The following PCCA variants were observed in gnomAD, a reference collection of about 807,000 sequenced individuals.
The protein encoded by PCCA is propionyl-CoA carboxylase alpha chain, mitochondrial.
In PCCA, 74 loss-of-function variants were observed where a neutral mutation model predicts 101.3. That is an observed-to-expected ratio of 0.73 (90% confidence interval 0.61 to 0.89). The LOEUF is 0.89. Among genes scored for constraint, PCCA ranks in the 40% least tolerant of loss-of-function variants. The probability of loss-of-function intolerance (pLI) is 0.00; values close to 1 mark genes in which losing one functional copy is unlikely to be tolerated. For missense variants in PCCA, 891 were observed against 907.0 expected (o/e 0.98, Z 0.23); for synonymous variants, 294 against 313.6 (o/e 0.94, Z 0.66).
intron 22 of PCCA, chr13:100,527,321 A>G: frequency 2.1e-6 from 1 of 478,164 alleles, no homozygotes; most frequent in Admixed American, 2.3e-5. Context: ...GTCTGTAGAG[A>G]TCTGCCTATT....
At chr13:100,251,214 A>G (rs140444795) in intron 8 of PCCA, among the ~76,000 whole-genome samples, 246 of 152,326 alleles carry the variant, frequency 1.6e-3, no homozygotes, top group African/African-American at 5.5e-3. Flanking sequence ...AGAGTTTCAT[A>G]CTATCCAGCA....
chr13:100,365,685 A>G (rs1050835011), intron 18 of PCCA, among the ~76,000 whole-genome samples: 1 of 152,248 alleles, frequency 6.6e-6, no homozygotes, highest in Non-Finnish European at 1.5e-5. Flanking sequence ...CAAAGTTTCT[A>G]TAAAGAAAGA....
chr13:100,501,500 A>G (rs977430114), intron 21 of PCCA, among the ~76,000 whole-genome samples: 3 of 152,188 alleles, frequency 2.0e-5, no homozygotes, highest in Non-Finnish European at 4.4e-5. Flanking sequence ...AGGCCATTCC[A>G]TAATGGAGAA....
At position 100,176,360 on chromosome 13, in the gene PCCA, T is replaced by C. The variant is rs561260556; in HGVS notation, c.468+19020T>C. Among the ~76,000 whole-genome samples the C allele has an allele frequency of 5.8e-3, 881 of 152,356 alleles. 9 individuals are homozygous for C. Among genetic ancestry groups the C allele is most frequent in the African/African-American group, 0.02 (819 of 41,568 alleles). Reference sequence around the variant, plus strand: ...TACTTCATGCATAGATGGTGTAGCTTTAGAAAACTCAGGCCTAGCTGTTTT... The same window carrying C: ...TACTTCATGCATAGATGGTGTAGCTCTAGAAAACTCAGGCCTAGCTGTTTT... On this transcript the variant is annotated intron_variant, in intron 6 of 23. Transcript: ENST00000376285.
chr13:100,333,602 A>T (rs577095842), intron 17 of PCCA, among the ~76,000 whole-genome samples: 1 of 152,336 alleles, frequency 6.6e-6, no homozygotes, highest in Non-Finnish European at 1.5e-5. Flanking sequence ...GTTTCCCTTG[A>T]TTCTGAAAAA....
intron 19 of PCCA, among the ~76,000 whole-genome samples, chr13:100,419,803 G>A (rs1224265989): frequency 6.6e-6 from 1 of 152,200 alleles, no homozygotes; most frequent in African/African-American, 2.4e-5. Context: ...TAAGGACTTG[G>A]GCCTATGGCT....
intron 4 of PCCA, among the ~76,000 whole-genome samples, chr13:100,148,267 T>C (rs1212454042): frequency 6.6e-6 from 1 of 152,158 alleles, no homozygotes. Flanking sequence ...TGTTTTTACC[T>C]AGTTATTTTG....
intron 21 of PCCA, among the ~76,000 whole-genome samples, chr13:100,493,992 C>A (rs2085093375): frequency 6.6e-6 from 1 of 151,772 alleles, no homozygotes; most frequent in African/African-American, 2.4e-5. Flanking sequence ...AGCTGGTGAC[C>A]ATCCTGGCCA....
Position 100,187,720 on chromosome 13 carries a change from G to A in PCCA, c.469-21612G>A, listed in dbSNP as rs9585374. 8.9e-3 allele frequency among the ~76,000 whole-genome samples: 1,350 copies of A among 152,112 alleles called. 17 individuals carry two copies. The highest frequency in any genetic ancestry group is 0.031 in the African/African-American group (1,273 of 41,502). On this transcript the variant is annotated intron_variant, in intron 6 of 23. Transcript: ENST00000376285. The stretch of plus-strand genomic sequence containing the variant: ...AGTTCAGGGGTACATGTGCAAGTTC[G>A]TTACATAGGTAAATGTGTGTCATGG...
At chr13:100,430,764 C>G (rs2079492539) in intron 20 of PCCA, among the ~76,000 whole-genome samples, 1 of 152,180 alleles carries the variant, frequency 6.6e-6, no homozygotes, top group Non-Finnish European at 1.5e-5. Flanking sequence ...GGGGCCTGTG[C>G]TTTCTCATTC....
chr13:100,440,232 C>T (rs1341052741), intron 20 of PCCA, among the ~76,000 whole-genome samples: 3 of 122,192 alleles, frequency 2.5e-5, no homozygotes, highest in African/African-American at 8.7e-5. Context: ...CTTAAAATGC[C>T]CAGTGGGCCT....
At chr13:100,212,715 G>T (rs1467968085) in intron 7 of PCCA, among the ~76,000 whole-genome samples, 2 of 151,684 alleles carry the variant, frequency 1.3e-5, no homozygotes, top group African/African-American at 4.8e-5. Context: ...TAATGTCTTT[G>T]TGTTACAAAC....
At chr13:100,449,435 C>A in intron 21 of PCCA, 130 bp downstream of exon 21, 1 of 601,870 alleles carries the variant, frequency 1.7e-6, no homozygotes. Flanking sequence ...TTTGCCTTTA[C>A]AAATGATATT....
chr13:100,097,372 A>G (rs535606901), intron 1 of PCCA, among the ~76,000 whole-genome samples: 2 of 152,292 alleles, frequency 1.3e-5, no homozygotes, highest in East Asian at 3.9e-4. Flanking sequence ...ACGGAGTTGT[A>G]TACTTTTTTA....
chr13:100,393,100 G>A (rs142883899), intron 19 of PCCA, among the ~76,000 whole-genome samples: 211 of 152,236 alleles, frequency 1.4e-3, no homozygotes, highest in Non-Finnish European at 2.5e-3. Flanking sequence ...TATGTATGTT[G>A]AAAAGAAAAT....
intron 14 of PCCA, among the ~76,000 whole-genome samples, chr13:100,304,265 G>A (rs1428071360): frequency 6.6e-6 from 1 of 152,206 alleles, no homozygotes; most frequent in African/African-American, 2.4e-5. Flanking sequence ...TGCCTTAAAT[G>A]TTCTGCTTAC....
At chr13:100,271,497 A>G (rs1469528868) in intron 11 of PCCA, among the ~76,000 whole-genome samples, 1 of 152,128 alleles carries the variant, frequency 6.6e-6, no homozygotes, top group Non-Finnish European at 1.5e-5. Context: ...GTGGGGTTGC[A>G]TGCAGTTGAA....
intron 18 of PCCA, among the ~76,000 whole-genome samples, chr13:100,357,778 G>T (rs1189132876): frequency 6.6e-6 from 1 of 152,204 alleles, no homozygotes; most frequent in Non-Finnish European, 1.5e-5. Flanking sequence ...CTGTAACTCA[G>T]TTATTGGTTT....
chr13:100,420,625 G>A (rs1567105674), intron 19 of PCCA, among the ~76,000 whole-genome samples: 1 of 152,014 alleles, frequency 6.6e-6, no homozygotes, highest in Admixed American at 6.6e-5. Flanking sequence ...AAATAAAAGG[G>A]CTTTGTAACC....
Sources: allele counts gnomAD v4.1 joint callset (sites outside exome capture counted in the v4.1 genomes callset), GRCh38; gene constraint gnomAD v4.1.1; transcripts MANE v1.5; gene names NCBI Gene and HGNC (gene_info 2026-07-23, HGNC 2026-07-21).